The following GFPT1 variants were observed in gnomAD, a reference collection of about 807,000 sequenced individuals.
GFPT1 encodes glutamine--fructose-6-phosphate transaminase 1.
In GFPT1, 40 loss-of-function variants were observed where a neutral mutation model predicts 92.0. The ratio of observed to expected loss-of-function variants is 0.43; its 90% confidence interval spans 0.34 to 0.57. GFPT1 has a LOEUF of 0.57. Among genes scored for constraint, GFPT1 ranks in the 20% least tolerant of loss-of-function variants. GFPT1 has a pLI of 0.02. For missense variants in GFPT1, 448 were observed against 869.1 expected (o/e 0.52, Z 6.09); for synonymous variants, 269 against 280.6 (o/e 0.96, Z 0.41).
intron 15 of GFPT1, among the ~76,000 whole-genome samples, chr2:69,330,595 A>G (rs1283889231): frequency 6.6e-6 from 1 of 151,598 alleles, no homozygotes; most frequent in Non-Finnish European, 1.5e-5. Flanking sequence ...AAAAAAAAGG[A>G]AAACTACAGT....
intron 1 of GFPT1, among the ~76,000 whole-genome samples, chr2:69,381,207 T>TCCTGACCTCAGGTGATCTGCCCG (rs1306118373): frequency 6.6e-6 from 1 of 152,226 alleles, no homozygotes. Context: ...GGTCTCGAAC[T>TCCTGACCTCAGGTGATCTGCCCG]CCTGACCTCA....
At chr2:69,327,609 C>G (rs1574039740) in intron 18 of GFPT1, among the ~76,000 whole-genome samples, 2 of 152,014 alleles carry the variant, frequency 1.3e-5, no homozygotes, top group South Asian at 4.2e-4. Flanking sequence ...GTAGCTGGGA[C>G]TACAGTCATG....
Position 69,371,776 on chromosome 2 carries a change from G to A in GFPT1, c.116-1668C>T, listed in dbSNP as rs1187598814. Among the ~76,000 whole-genome samples, 4 of 152,084 alleles carry A rather than the reference G, an allele frequency of 2.6e-5. No homozygotes were observed. In the East Asian group the frequency reaches 7.8e-4, roughly 30 times the overall value. On this transcript the variant is annotated intron_variant, in intron 2 of 19. Coordinates refer to ENST00000357308, the MANE Select transcript of GFPT1 (RefSeq NM_001244710.2). ...GGCGTGAACCCGGGAGGTGGAGCTT[G>A]CAGTGAGCTGAGATCATGCCACTGC...
intron 10 of GFPT1, among the ~76,000 whole-genome samples, chr2:69,349,085 C>A (rs1380095245): frequency 6.6e-6 from 1 of 152,226 alleles, no homozygotes; most frequent in Non-Finnish European, 1.5e-5. Context: ...GAAATTTACC[C>A]ACCAAGGGTA....
At chr2:69,326,766 T>C in intron 19 of GFPT1, 148 bp downstream of exon 19, 1 of 785,544 alleles carries the variant, frequency 1.3e-6, no homozygotes, top group Non-Finnish European at 2.1e-6. Context: ...TGATGTAACC[T>C]ACAAATTGGG....
intron 13 of GFPT1, among the ~76,000 whole-genome samples, chr2:69,339,636 C>G (rs1670887985): frequency 6.6e-6 from 1 of 152,106 alleles, no homozygotes. Flanking sequence ...GGCAAGTGGC[C>G]CTCCCCATCT....
chr2:69,334,780 G>A (rs1323467137), intron 15 of GFPT1: 1 of 152,206 alleles, frequency 6.6e-6, no homozygotes, highest in Non-Finnish European at 1.5e-5. Context: ...TCTGGAAAAT[G>A]CCATAATACA....
intron 3 of GFPT1, among the ~76,000 whole-genome samples, chr2:69,365,121 T>C (rs1671579549): frequency 6.6e-6 from 1 of 151,414 alleles, no homozygotes; most frequent in Non-Finnish European, 1.5e-5. Flanking sequence ...CTTAATTTCC[T>C]AAATATAAAA....
chr2:69,354,230 T>TCCC (rs769732697), intron 9 of GFPT1, 29 bp downstream of exon 9: 1 of 1,480,506 alleles, frequency 6.8e-7, no homozygotes, highest in South Asian at 1.2e-5. Context: ...GATAAGATCC[T>TCCC]CCCCATCCAT....
At chr2:69,383,092 T>A (rs1004643049) in intron 1 of GFPT1, among the ~76,000 whole-genome samples, 27 of 152,196 alleles carry the variant, frequency 1.8e-4, no homozygotes, top group African/African-American at 5.8e-4. Context: ...ACCTGAAATA[T>A]ACGGTCAAAA....
chr2:69,327,175 A>G (rs189731800), intron 18 of GFPT1, 100 bp from the exon 19 acceptor site: 3 of 943,358 alleles, frequency 3.2e-6, no homozygotes, highest in East Asian at 4.9e-5. Flanking sequence ...ATCCATATGA[A>G]GCCTCACGGA....
At chr2:69,350,409 A>C (rs1277143731) in intron 9 of GFPT1, among the ~76,000 whole-genome samples, 2 of 152,196 alleles carry the variant, frequency 1.3e-5, no homozygotes, top group Non-Finnish European at 2.9e-5. Context: ...GTGGCAGGTA[A>C]AAGTGCTACA....
In GFPT1 at chr2:69,320,281, A is replaced by T. The variant is rs1336580195; in HGVS notation, c.*5908T>A. On this transcript the variant is annotated 3_prime_UTR_variant, in exon 20 of 20. Coordinates refer to ENST00000357308, the MANE Select transcript of GFPT1 (RefSeq NM_001244710.2). ...AGAATGTACTAGTTAAGAACCAAGGAGTTATACCCAGTTCACAATACTGTT... is the reference window on the plus strand; with the variant it reads ...AGAATGTACTAGTTAAGAACCAAGGTGTTATACCCAGTTCACAATACTGTT... 6.6e-6 allele frequency: 1 copy of T among 152,206 alleles called. No individual in the cohort carries two copies. The highest frequency in any genetic ancestry group is 1.5e-5 in the Non-Finnish European group (1 of 68,038). 9.4% of individuals were successfully genotyped at this position (152,206 alleles called of 1,614,324 possible). A position where few individuals can be genotyped will look rare whatever the true frequency, so the allele number is the denominator to read the frequency against.
At chr2:69,343,673 A>C (rs1187478150) in intron 12 of GFPT1, among the ~76,000 whole-genome samples, 1 of 151,792 alleles carries the variant, frequency 6.6e-6, no homozygotes, top group African/African-American at 2.4e-5. Context: ...TGGCCTCCCA[A>C]AGTGCTGGGA....
intron 1 of GFPT1, among the ~76,000 whole-genome samples, chr2:69,384,777 AAAAG>A (rs137892148): frequency 6.2e-4 from 92 of 148,988 alleles, no homozygotes; most frequent in Middle Eastern, 3.4e-3. Flanking sequence ...GAAAGAAAGA[AAAAG>A]AAAGAAAGAA....
At chr2:69,363,931 A>G (rs540339837) in intron 3 of GFPT1, among the ~76,000 whole-genome samples, 5 of 152,156 alleles carry the variant, frequency 3.3e-5, no homozygotes, top group Admixed American at 2.6e-4. Context: ...TCTGGCCAAC[A>G]TGGGGAAACC....
chr2:69,359,187 T>G, intron 5 of GFPT1, 81 bp downstream of exon 5: 1 of 793,922 alleles, frequency 1.3e-6, no homozygotes, highest in South Asian at 1.4e-5. Flanking sequence ...TGGTGTTTGT[T>G]GCACATCCCA....
intron 1 of GFPT1, among the ~76,000 whole-genome samples, chr2:69,382,682 T>C (rs371465739): frequency 5.9e-5 from 9 of 152,324 alleles, no homozygotes; most frequent in African/African-American, 2.2e-4. Flanking sequence ...TCCTCCTTCA[T>C]CTGGTAGTAG....
rs187251492 is a variant in GFPT1, at chr2:69,332,344, C to T, written c.1483-2546G>A. On this transcript the variant is annotated intron_variant, in intron 15 of 19. Coordinates refer to ENST00000357308, the MANE Select transcript of GFPT1 (RefSeq NM_001244710.2). ...TTTTTTTTTTTGAGACACAGTTTTG[C>T]TCTTGTTGCCCAGGCTGGATTGCAA... 4.5e-3 allele frequency among the ~76,000 whole-genome samples: 604 copies of T among 135,150 alleles called. 1 individual carries two copies. Among genetic ancestry groups the T allele is most frequent in the Non-Finnish European group, 5.9e-3 (376 of 63,882 alleles). The allele number at this position is 135,150 out of a possible 152,430, so 88.7% of individuals were successfully genotyped here.
Sources: gnomAD v4.1 joint callset for allele counts (sites outside exome capture counted in the v4.1 genomes callset) on GRCh38, gnomAD v4.1.1 for gene constraint, MANE v1.5 for transcripts, NCBI Gene and HGNC (gene_info 2026-07-23, HGNC 2026-07-21) for gene names.